IFITM10: variants seen among roughly 807,000 people sequenced by gnomAD.
The protein encoded by IFITM10 is interferon induced transmembrane protein 10.
Under a neutral mutation model 19.0 loss-of-function variants are expected in IFITM10, and 17 were observed. The observed-to-expected ratio is 0.90, with a 90% CI of 0.61 to 1.34. The LOEUF (loss-of-function observed/expected upper bound fraction) is 1.34. IFITM10 is among the 40% of genes most tolerant of loss of function. IFITM10 has a pLI of 0.00. For synonymous variants in IFITM10, 148 were observed against 147.2 expected (o/e 1.01, Z -0.04); for missense variants, 306 against 319.8 (o/e 0.96, Z 0.33).
intron 2 of IFITM10, among the ~76,000 whole-genome samples, chr11:1,736,046 C>G (rs1423519694): frequency 6.6e-6 from 1 of 152,066 alleles, no homozygotes; most frequent in Admixed American, 6.5e-5. Flanking sequence ...TTCCAAGAGG[C>G]AACCTTCATT....
intron 2 of IFITM10, among the ~76,000 whole-genome samples, chr11:1,740,299 C>CAAAAAAAAAAAAA (rs58480346): frequency 2.4e-5 from 1 of 41,024 alleles, no homozygotes; most frequent in Non-Finnish European, 4.6e-5. Context: ...GACTCCATCT[C>CAAAAAAAAAAAAA]AAAAAAAAAA....
intron 2 of IFITM10, among the ~76,000 whole-genome samples, chr11:1,739,053 C>CAAAAAAAAA (rs71025777): frequency 2.4e-5 from 1 of 42,104 alleles, no homozygotes; most frequent in Admixed American, 3.8e-4. Flanking sequence ...GACTCCGTCT[C>CAAAAAAAAA]AAAAAAAAAA....
At chr11:1,735,610 C>T (rs763295302) in intron 2 of IFITM10, among the ~76,000 whole-genome samples, 181 bp from the exon 3 acceptor site, 33 of 152,130 alleles carry the variant, frequency 2.2e-4, no homozygotes, top group Admixed American at 7.2e-4. Context: ...GCACTGTACA[C>T]GGATGAACTT....
chr11:1,743,495 C>A (rs1316344633), intron 2 of IFITM10, among the ~76,000 whole-genome samples: 1 of 151,074 alleles, frequency 6.6e-6, no homozygotes, highest in Non-Finnish European at 1.5e-5. Context: ...GATGGATGGA[C>A]AGATGGAGAA....
At chr11:1,738,892 C>T (rs547290836) in intron 2 of IFITM10, among the ~76,000 whole-genome samples, 1 of 151,822 alleles carries the variant, frequency 6.6e-6, no homozygotes, top group East Asian at 1.9e-4. Flanking sequence ...AACCCCGTCT[C>T]TACTAAAAAT....
chr11:1,748,423 C>T, intron 1 of IFITM10: 1 of 364,304 alleles, frequency 2.7e-6, no homozygotes, highest in Non-Finnish European at 4.9e-6. Context: ...AACGCTGAGA[C>T]TGACACTGTT....
chr11:1,743,685 T>G (rs1157993422), intron 2 of IFITM10, among the ~76,000 whole-genome samples: 1 of 152,152 alleles, frequency 6.6e-6, no homozygotes, highest in Non-Finnish European at 1.5e-5. Flanking sequence ...CACAGCCTCC[T>G]GGGCTCACAT....
At chr11:1,735,574 C>T (rs985630574) in intron 2 of IFITM10, 145 bp from the exon 3 acceptor site, 23 of 784,224 alleles carry the variant, frequency 2.9e-5, no homozygotes, top group Non-Finnish European at 4.5e-5. Context: ...AACGATGGTT[C>T]TAGAGGAACA....
intron 2 of IFITM10, among the ~76,000 whole-genome samples, chr11:1,739,571 T>A (rs1228926243): frequency 6.6e-6 from 1 of 152,054 alleles, no homozygotes; most frequent in Non-Finnish European, 1.5e-5. Context: ...GTGCTCAGTG[T>A]GCTAAAAAGA....
At chr11:1,736,172 G>A (rs1386041766) in intron 2 of IFITM10, among the ~76,000 whole-genome samples, 1 of 152,238 alleles carries the variant, frequency 6.6e-6, no homozygotes, top group East Asian at 1.9e-4. Flanking sequence ...AAGGGAAGGA[G>A]AATGGAAAGA....
intron 1 of IFITM10, among the ~76,000 whole-genome samples, chr11:1,750,065 C>G (rs903614476): frequency 1.4e-4 from 22 of 152,134 alleles, no homozygotes; most frequent in African/African-American, 5.1e-4. Flanking sequence ...GGTTTACTCA[C>G]CTGCCCACAG....
chr11:1,746,615 T>C (rs1263621775), intron 2 of IFITM10: 1 of 398,512 alleles, frequency 2.5e-6, no homozygotes, highest in African/African-American at 2.1e-5. Context: ...CCGACCGCAG[T>C]TGCGATGCCG....
At chr11:1,740,794 T>A (rs903835621) in intron 2 of IFITM10, among the ~76,000 whole-genome samples, 2 of 152,086 alleles carry the variant, frequency 1.3e-5, no homozygotes, top group Non-Finnish European at 2.9e-5. Flanking sequence ...CGATCCCCAG[T>A]GGTGGAGAGG....
At chr11:1,744,864 T>C (rs1845620065) in intron 2 of IFITM10, 2 of 152,302 alleles carry the variant, frequency 1.3e-5, no homozygotes. Flanking sequence ...CAAGACCTTC[T>C]GAACCTAGGG....
At chr11:1,736,533 A>G (rs192792045) in intron 2 of IFITM10, among the ~76,000 whole-genome samples, 2 of 152,152 alleles carry the variant, frequency 1.3e-5, no homozygotes, top group African/African-American at 4.8e-5. Context: ...GTGGAGTGGA[A>G]TGGAATGGAA....
intron 2 of IFITM10, among the ~76,000 whole-genome samples, chr11:1,743,822 C>A (rs116109264): frequency 0.013 from 2,007 of 152,184 alleles, 50 homozygotes; most frequent in African/African-American, 0.046. Flanking sequence ...TGTCTTGTCT[C>A]CTTCCCCTAC....
intron 2 of IFITM10, among the ~76,000 whole-genome samples, chr11:1,741,592 T>C (rs145587788): frequency 6.7e-4 from 102 of 152,026 alleles, no homozygotes; most frequent in African/African-American, 2.4e-3. Flanking sequence ...TGAATATTGA[T>C]GGATGACAGA....
intron 1 of IFITM10, chr11:1,749,053 G>A (rs981886878): frequency 2.6e-6 from 3 of 1,132,234 alleles, no homozygotes; most frequent in East Asian, 2.0e-4. Flanking sequence ...GACCCCCTGA[G>A]CCTCGGTGCG....
chr11:1,745,729 T>C (rs575927837), intron 2 of IFITM10: 2 of 150,208 alleles, frequency 1.3e-5, no homozygotes, highest in African/African-American at 2.5e-5. Context: ...CTCACACACT[T>C]GTGTACACAC....
Sources: gnomAD v4.1 joint callset for allele counts (sites outside exome capture counted in the v4.1 genomes callset) on GRCh38, gnomAD v4.1.1 for gene constraint, MANE v1.5 for transcripts, NCBI Gene and HGNC (gene_info 2026-07-23, HGNC 2026-07-21) for gene names.